SGMS1: variants seen among roughly 807,000 people sequenced by gnomAD.
The protein encoded by SGMS1 is phosphatidylcholine:ceramide cholinephosphotransferase 1.
SGMS1 carries 13 observed loss-of-function variants against 46.2 expected under a neutral mutation model. The observed-to-expected ratio is 0.28, with a 90% CI of 0.18 to 0.45. SGMS1 has a LOEUF of 0.45. SGMS1 is among the 20% of genes least tolerant of loss of function. The pLI, the probability that SGMS1 is intolerant of heterozygous loss-of-function variation, is 1.00. For synonymous variants in SGMS1, 203 were observed against 187.8 expected (o/e 1.08, Z -0.66); for missense variants, 324 against 519.9 (o/e 0.62, Z 3.66).
chr10:50,522,755 T>G (rs1837867399), intron 2 of SGMS1, among the ~76,000 whole-genome samples: 1 of 152,140 alleles, frequency 6.6e-6, no homozygotes, highest in African/African-American at 2.4e-5. Context: ...ATGTGATGTC[T>G]CGGTAGAATG....
chr10:50,316,719 G>A (rs1397041375), intron 8 of SGMS1, among the ~76,000 whole-genome samples: 5 of 152,156 alleles, frequency 3.3e-5, no homozygotes, highest in South Asian at 2.1e-4. Flanking sequence ...AAAGGCTGCT[G>A]TTAAAACACT....
intron 2 of SGMS1, among the ~76,000 whole-genome samples, chr10:50,560,620 T>C (rs1269297149): frequency 6.8e-6 from 1 of 147,272 alleles, no homozygotes; most frequent in African/African-American, 2.5e-5. Context: ...ACAATATATG[T>C]AATATAGTAT....
At chr10:50,624,952 T>C, upstream of SGMS1, 8 of 1,026,708 alleles carry the variant, frequency 7.8e-6, no homozygotes, top group Non-Finnish European at 9.4e-6. Context: ...CGGGCAGCCA[T>C]CTTCCGCCCG....
intron 3 of SGMS1, among the ~76,000 whole-genome samples, chr10:50,512,513 C>T (rs76356313): frequency 0.012 from 1,789 of 152,238 alleles, 38 homozygotes; most frequent in African/African-American, 0.041. Flanking sequence ...ATACCAGTTC[C>T]AAAACCCTCT....
At chr10:50,454,903 T>G (rs755075290) in intron 5 of SGMS1, among the ~76,000 whole-genome samples, 1 of 152,226 alleles carries the variant, frequency 6.6e-6, no homozygotes, top group Non-Finnish European at 1.5e-5. Flanking sequence ...CATTTTAGAC[T>G]TGATCTAAAA....
chr10:50,327,348 A>G, intron 7 of SGMS1, 26 bp from the exon 8 acceptor site: 1 of 1,312,720 alleles, frequency 7.6e-7, no homozygotes, highest in Non-Finnish European at 1.1e-6. Flanking sequence ...AACAGGGCAG[A>G]TTCTCAGTCA....
chr10:50,465,145 A>C (rs1390004432), intron 4 of SGMS1, among the ~76,000 whole-genome samples: 1 of 152,188 alleles, frequency 6.6e-6, no homozygotes, highest in Non-Finnish European at 1.5e-5. Context: ...TGAAAGGTCC[A>C]AGGAAAAAAA....
chr10:50,462,836 G>C (rs1192025740), intron 4 of SGMS1, among the ~76,000 whole-genome samples: 1 of 152,080 alleles, frequency 6.6e-6, no homozygotes, highest in African/African-American at 2.4e-5. Context: ...CTGTGGAGTC[G>C]AGCAGAGCTG....
intron 2 of SGMS1, among the ~76,000 whole-genome samples, chr10:50,546,851 C>A (rs987147053): frequency 4.6e-5 from 7 of 151,896 alleles, no homozygotes; most frequent in Non-Finnish European, 7.4e-5. Context: ...TGCACATGTA[C>A]CCTAAAACTT....
chr10:50,350,656 G>A (rs114799503), intron 6 of SGMS1, among the ~76,000 whole-genome samples: 1,820 of 152,268 alleles, frequency 0.012, 33 homozygotes, highest in African/African-American at 0.041. Flanking sequence ...AATACAGCCC[G>A]GGCTGTGGCT....
intron 6 of SGMS1, among the ~76,000 whole-genome samples, chr10:50,370,419 T>C (rs1239736203): frequency 1.3e-5 from 2 of 151,556 alleles, no homozygotes; most frequent in Non-Finnish European, 2.9e-5. Flanking sequence ...ATTTTAATTT[T>C]TTTTTTACTT....
At chr10:50,386,725 G>C (rs1478110716) in intron 6 of SGMS1, among the ~76,000 whole-genome samples, 1 of 152,010 alleles carries the variant, frequency 6.6e-6, no homozygotes. Context: ...ATTGAACAGG[G>C]GCCAAGAGTC....
At chr10:50,439,286 T>C (rs887694379) in intron 5 of SGMS1, among the ~76,000 whole-genome samples, 3 of 152,174 alleles carry the variant, frequency 2.0e-5, no homozygotes, top group African/African-American at 7.2e-5. Context: ...AGTATACAGC[T>C]AAAACTCACT....
At chr10:50,528,599 T>C (rs1333242544) in intron 2 of SGMS1, among the ~76,000 whole-genome samples, 5 of 152,204 alleles carry the variant, frequency 3.3e-5, no homozygotes, top group Non-Finnish European at 7.3e-5. Flanking sequence ...ACTGCACATA[T>C]TGTGCTTTAA....
intron 8 of SGMS1, among the ~76,000 whole-genome samples, chr10:50,312,041 A>G (rs1397980005): frequency 6.6e-6 from 1 of 152,224 alleles, no homozygotes; most frequent in African/African-American, 2.4e-5. Context: ...ACACCGGAGT[A>G]ATAAATAGCT....
intron 3 of SGMS1, among the ~76,000 whole-genome samples, chr10:50,493,958 C>T (rs762199986): frequency 5.3e-5 from 8 of 152,148 alleles, no homozygotes; most frequent in Non-Finnish European, 7.3e-5. Flanking sequence ...CCACCACGCC[C>T]GGCTAATTTT....
At chr10:50,361,281 G>A (rs1455224494) in intron 6 of SGMS1, among the ~76,000 whole-genome samples, 1 of 152,006 alleles carries the variant, frequency 6.6e-6, no homozygotes, top group Admixed American at 6.6e-5. Flanking sequence ...CAGAACAGAC[G>A]AACGAGGTCA....
intron 6 of SGMS1, among the ~76,000 whole-genome samples, chr10:50,400,817 A>T (rs944395631): frequency 1.3e-5 from 2 of 152,158 alleles, no homozygotes. Context: ...CAATAATGAA[A>T]GTCTGGACAG....
chr10:50,492,124 A>G (rs1243996199), intron 3 of SGMS1, among the ~76,000 whole-genome samples: 1 of 152,262 alleles, frequency 6.6e-6, no homozygotes, highest in Non-Finnish European at 1.5e-5. Context: ...ACATCCATTC[A>G]TGTTAAAAAC....
Sources: allele counts gnomAD v4.1 joint callset (sites outside exome capture counted in the v4.1 genomes callset), GRCh38; gene constraint gnomAD v4.1.1; transcripts MANE v1.5; gene names NCBI Gene and HGNC (gene_info 2026-07-23, HGNC 2026-07-21).